Variants in NRXN1 observed in about 807,000 individuals in gnomAD.
NRXN1 encodes the protein neurexin-1.
NRXN1 carries 39 observed loss-of-function variants against 150.9 expected under a neutral mutation model. That is an observed-to-expected ratio of 0.26 (90% confidence interval 0.20 to 0.34). The LOEUF (loss-of-function observed/expected upper bound fraction) is 0.34. Among genes scored for constraint, NRXN1 ranks in the 10% least tolerant of loss-of-function variants. The probability of loss-of-function intolerance (pLI) is 1.00; values close to 1 mark genes in which losing one functional copy is unlikely to be tolerated. For missense variants in NRXN1, 1,815 were observed against 1,949.9 expected (o/e 0.93, Z 1.30); for synonymous variants, 924 against 757.0 (o/e 1.22, Z -3.62).
chr2:50,988,210 T>C (rs958529472), intron 2 of NRXN1, among the ~76,000 whole-genome samples: 2 of 152,010 alleles, frequency 1.3e-5, no homozygotes, highest in Non-Finnish European at 1.5e-5. Context: ...GAGTTTATCC[T>C]GCCAAATCAA....
intron 15 of NRXN1, among the ~76,000 whole-genome samples, chr2:50,489,544 C>T (rs1196914416): frequency 6.6e-6 from 1 of 151,798 alleles, no homozygotes; most frequent in East Asian, 1.9e-4. Flanking sequence ...TGCAGGTCAA[C>T]CTCCCCTGAG....
At chr2:50,200,629 C>T (rs1013803136) in intron 18 of NRXN1, among the ~76,000 whole-genome samples, 3 of 152,126 alleles carry the variant, frequency 2.0e-5, no homozygotes, top group Non-Finnish European at 4.4e-5. Flanking sequence ...CATGCCAAAA[C>T]ATCCAATATA....
chr2:50,253,385 T>G (rs2067357515), intron 17 of NRXN1, among the ~76,000 whole-genome samples: 1 of 152,180 alleles, frequency 6.6e-6, no homozygotes, highest in South Asian at 2.1e-4. Flanking sequence ...CCTTTCTTCC[T>G]ATTTGAATAC....
chr2:50,257,240 T>G (rs1404884636), intron 17 of NRXN1, among the ~76,000 whole-genome samples: 5 of 152,088 alleles, frequency 3.3e-5, no homozygotes, highest in Non-Finnish European at 5.9e-5. Context: ...TATTACCTTT[T>G]TAATAGTAAA....
intron 5 of NRXN1, among the ~76,000 whole-genome samples, chr2:50,790,290 A>G (rs1019887390): frequency 6.6e-6 from 1 of 152,152 alleles, no homozygotes; most frequent in Non-Finnish European, 1.5e-5. Context: ...AAAGAGACCA[A>G]GTAATCTTTA....
intron 21 of NRXN1, among the ~76,000 whole-genome samples, chr2:50,044,836 T>C (rs1198075489): frequency 6.6e-6 from 1 of 152,170 alleles, no homozygotes; most frequent in African/African-American, 2.4e-5. Flanking sequence ...ATTTTGCAAA[T>C]TTGTAATTCT....
intron 5 of NRXN1, among the ~76,000 whole-genome samples, chr2:50,697,617 T>A (rs1411816171): frequency 3.3e-5 from 5 of 152,182 alleles, no homozygotes; most frequent in African/African-American, 4.8e-5. Context: ...CCTTCCTTGC[T>A]CTTCTGTAGC....
chr2:50,966,148 T>A (rs1436227671), intron 2 of NRXN1, among the ~76,000 whole-genome samples: 3 of 151,710 alleles, frequency 2.0e-5, no homozygotes, highest in Non-Finnish European at 4.4e-5. Context: ...TATCCAATAT[T>A]TTTTGAAAAG....
chr2:50,813,833 A>T (rs1419383502), intron 5 of NRXN1, among the ~76,000 whole-genome samples: 1 of 152,168 alleles, frequency 6.6e-6, no homozygotes, highest in Non-Finnish European at 1.5e-5. Context: ...ATGGGGCCTT[A>T]CTTCACTGAA....
chr2:50,330,522 C>A (rs909422051), intron 17 of NRXN1, among the ~76,000 whole-genome samples: 1 of 152,056 alleles, frequency 6.6e-6, no homozygotes, highest in Non-Finnish European at 1.5e-5. Flanking sequence ...CTCCCAATAC[C>A]TACTCCTAAC....
chr2:50,504,501 G>A (rs1018921194), intron 13 of NRXN1, among the ~76,000 whole-genome samples: 2 of 152,026 alleles, frequency 1.3e-5, no homozygotes, highest in Non-Finnish European at 2.9e-5. Flanking sequence ...AGGTATAAGG[G>A]TATTCTTTGT....
intron 2 of NRXN1, among the ~76,000 whole-genome samples, chr2:51,001,040 A>G (rs997016230): frequency 6.6e-6 from 1 of 151,972 alleles, no homozygotes; most frequent in Non-Finnish European, 1.5e-5. Flanking sequence ...AGAACATAGG[A>G]AAGTGTGGTG....
intron 2 of NRXN1, among the ~76,000 whole-genome samples, chr2:50,964,913 C>T (rs76449434): frequency 1.2e-4 from 18 of 151,378 alleles, no homozygotes; most frequent in African/African-American, 4.4e-4. Flanking sequence ...AGGCAACATA[C>T]TCTGGAATTT....
intron 17 of NRXN1, among the ~76,000 whole-genome samples, chr2:50,352,776 T>TAATAATAATA (rs1478736717): frequency 1.2e-5 from 1 of 84,028 alleles, no homozygotes; most frequent in Non-Finnish European, 2.4e-5. Flanking sequence ...ATAATAATAA[T>TAATAATAATA]ATTATAATAA....
chr2:50,504,191 G>A (rs1056788765), intron 13 of NRXN1, among the ~76,000 whole-genome samples: 3 of 150,914 alleles, frequency 2.0e-5, no homozygotes, highest in African/African-American at 7.3e-5. Context: ...CACTGTGCTG[G>A]AGGGGAAAAA....
intron 17 of NRXN1, among the ~76,000 whole-genome samples, chr2:50,282,115 T>A (rs1176835809): frequency 6.6e-6 from 1 of 152,162 alleles, no homozygotes; most frequent in African/African-American, 2.4e-5. Context: ...GTGTGTTATA[T>A]AACAACAGTT....
intron 17 of NRXN1, among the ~76,000 whole-genome samples, chr2:50,253,413 T>C (rs1167595000): frequency 6.6e-6 from 1 of 152,168 alleles, no homozygotes; most frequent in Non-Finnish European, 1.5e-5. Flanking sequence ...TTCTTTCTCT[T>C]GCTCGTTTGC....
chr2:50,860,796 CA>C (rs760547784), intron 5 of NRXN1, among the ~76,000 whole-genome samples: 39 of 152,168 alleles, frequency 2.6e-4, no homozygotes, highest in Non-Finnish European at 4.0e-4. Context: ...GGTCCCAGAC[CA>C]CATGAAGTAG....
intron 13 of NRXN1, among the ~76,000 whole-genome samples, chr2:50,501,961 G>A (rs1242989619): frequency 1.3e-5 from 2 of 152,184 alleles, no homozygotes; most frequent in Non-Finnish European, 2.9e-5. Context: ...CTTCCTTGCA[G>A]AAATTCTTCT....
Sources: gnomAD v4.1 joint callset for allele counts (sites outside exome capture counted in the v4.1 genomes callset) on GRCh38, gnomAD v4.1.1 for gene constraint, MANE v1.5 for transcripts, NCBI Gene and HGNC (gene_info 2026-07-23, HGNC 2026-07-21) for gene names.